CXCL13: variants seen among roughly 807,000 people sequenced by gnomAD.
CXCL13 encodes the protein C-X-C motif chemokine ligand 13, also known as C-X-C motif chemokine 13.
A neutral mutation model predicts 12.2 loss-of-function variants in CXCL13; 7 were observed. That is an observed-to-expected ratio of 0.57 (90% CI 0.33 to 1.07). The LOEUF (loss-of-function observed/expected upper bound fraction) is 1.07, where lower values mean the gene tolerates loss of function less well. Ranked by LOEUF, CXCL13 falls within the 50% of genes least tolerant of loss-of-function variation. The pLI is 0.04. For synonymous variants in CXCL13, 47 were observed against 42.4 expected (o/e 1.11, Z -0.42); for missense variants, 113 against 127.4 (o/e 0.89, Z 0.55).
At chr4:77,557,248 T>C (rs1413954104) in intron 1 of CXCL13, among the ~76,000 whole-genome samples, 1 of 152,234 alleles carries the variant, frequency 6.6e-6, no homozygotes, top group Non-Finnish European at 1.5e-5. Context: ...GGTCTCTAAG[T>C]ACCAATTTTA....
chr4:77,542,254 G>C (rs1326761188), intron 1 of CXCL13, among the ~76,000 whole-genome samples: 1 of 152,062 alleles, frequency 6.6e-6, no homozygotes, highest in Admixed American at 6.6e-5. Context: ...TGTTGAATAG[G>C]TGTGATGAGA....
intron 1 of CXCL13, among the ~76,000 whole-genome samples, chr4:77,571,931 G>T (rs760900904): frequency 6.6e-6 from 1 of 151,574 alleles, no homozygotes; most frequent in Non-Finnish European, 1.5e-5. Flanking sequence ...CAGATGTGCT[G>T]CCTTAAGAGC....
At chr4:77,527,597 T>TC (rs995593896) in intron 1 of CXCL13, among the ~76,000 whole-genome samples, 5 of 151,238 alleles carry the variant, frequency 3.3e-5, no homozygotes, top group Admixed American at 6.6e-5. Flanking sequence ...ATGCCACTGC[T>TC]CTCTAGCCTG....
chr4:77,568,722 C>A (rs1332828929), intron 1 of CXCL13, among the ~76,000 whole-genome samples: 1 of 151,986 alleles, frequency 6.6e-6, no homozygotes, highest in Non-Finnish European at 1.5e-5. Context: ...GTATTTTGGG[C>A]TTTTCGGCAT....
intron 1 of CXCL13, among the ~76,000 whole-genome samples, chr4:77,567,919 A>G (rs1013668166): frequency 4.6e-5 from 7 of 152,172 alleles, no homozygotes; most frequent in Non-Finnish European, 7.4e-5. Context: ...CCTCAGGGCT[A>G]CTCTGCCTAT....
In CXCL13 at chr4:77,536,815, G is replaced by T. The variant is rs1450696111; in HGVS notation, c.-43+25027G>T. On this transcript the variant is annotated intron_variant, in intron 1 of 4. Transcript: ENST00000286758. ...TGCTTAGAAATTCTTTAAAAAGAAT[G>T]ACTTTATCAGGATAGAAAAAGGTTC... Among the ~76,000 whole-genome samples the T allele has an allele frequency of 2.6e-5, 4 of 152,156 alleles. No individual in the cohort carries two copies. In the South Asian group the frequency reaches 8.3e-4, roughly 32 times the overall value.
intron 1 of CXCL13, among the ~76,000 whole-genome samples, chr4:77,597,456 G>A (rs534316139): frequency 4.5e-4 from 68 of 152,224 alleles, no homozygotes; most frequent in African/African-American, 1.3e-3. Flanking sequence ...TGTTGAACCT[G>A]GATGTAACAT....
At chr4:77,546,724 G>A (rs1725376274) in intron 1 of CXCL13, among the ~76,000 whole-genome samples, 1 of 152,102 alleles carries the variant, frequency 6.6e-6, no homozygotes, top group South Asian at 2.1e-4. Context: ...GAGAGATTTT[G>A]TGTCTCTTAT....
upstream of CXCL13, among the ~76,000 whole-genome samples, chr4:77,604,734 T>C (rs1156566216): frequency 2.0e-5 from 3 of 152,126 alleles, no homozygotes; most frequent in Admixed American, 2.0e-4. Context: ...CCTCCACTTC[T>C]ACCCCCATGA....
At chr4:77,521,873 C>G (rs569433789) in intron 1 of CXCL13, among the ~76,000 whole-genome samples, 53 of 152,238 alleles carry the variant, frequency 3.5e-4, no homozygotes, top group African/African-American at 1.2e-3. Context: ...CCTCTACACA[C>G]TGCTTTAAAT....
chr4:77,529,310 G>A (rs1317484495), intron 1 of CXCL13, among the ~76,000 whole-genome samples: 3 of 152,152 alleles, frequency 2.0e-5, no homozygotes, highest in Admixed American at 1.3e-4. Flanking sequence ...TTCTAATTCT[G>A]TGAAGAAAGT....
rs1347961389 is a variant in CXCL13 at position 77,605,905 on chromosome 4, G to A, written c.40G>A (p.Val14Ile). 1 of 1,605,646 alleles carries A rather than the reference G, an allele frequency of 6.2e-7. No homozygotes were observed. ...GACATCTCTGCTTCTCATGCTGCTG[G>A]TCAGCAGCCTCTCTCCAGTCCAAGG... Reference protein sequence around the residue: ...ISTSLLLMLLVSSLSPVQGVL... With the variant: ...ISTSLLLMLLISSLSPVQGVL... Residue 14 changes from valine (V) to isoleucine (I), a missense_variant, in exon 1 of 4, where the codon GTC becomes ATC. Coordinates refer to ENST00000682537, the MANE Select transcript of CXCL13 (RefSeq NM_001371558.1).
chr4:77,522,678 G>A (rs1375225419), intron 1 of CXCL13, among the ~76,000 whole-genome samples: 3 of 151,590 alleles, frequency 2.0e-5, no homozygotes, highest in Non-Finnish European at 4.4e-5. Flanking sequence ...ATCAGTTTGT[G>A]TGTTTTAATT....
chr4:77,570,377 G>A (rs1578058758), intron 1 of CXCL13, among the ~76,000 whole-genome samples: 2 of 152,202 alleles, frequency 1.3e-5, no homozygotes, highest in South Asian at 4.1e-4. Context: ...CTCTGACAAA[G>A]GTCTAATATC....
chr4:77,584,164 CTAGA>C (rs1282624668), intron 1 of CXCL13, among the ~76,000 whole-genome samples: 1 of 152,124 alleles, frequency 6.6e-6, no homozygotes, highest in Non-Finnish European at 1.5e-5. Flanking sequence ...ATTCCATGGC[CTAGA>C]TAGTCTTTAA....
At chr4:77,579,182 CACT>C (rs1400814733) in intron 1 of CXCL13, among the ~76,000 whole-genome samples, 1 of 152,220 alleles carries the variant, frequency 6.6e-6, no homozygotes, top group Non-Finnish European at 1.5e-5. Flanking sequence ...GGAAATGCCC[CACT>C]GTCTCACTGA....
At chr4:77,569,793 CAA>C (rs1257221612) in intron 1 of CXCL13, among the ~76,000 whole-genome samples, 2 of 151,980 alleles carry the variant, frequency 1.3e-5, no homozygotes, top group African/African-American at 4.8e-5. Context: ...CATATGGAAC[CAA>C]AAAAAGAGTC....
At chr4:77,531,126 T>C (rs1330572407) in intron 1 of CXCL13, among the ~76,000 whole-genome samples, 4 of 148,488 alleles carry the variant, frequency 2.7e-5, no homozygotes, top group Non-Finnish European at 4.5e-5. Context: ...ATTATTATTA[T>C]TATTATCATT....
chr4:77,531,328 T>C (rs1190816458), intron 1 of CXCL13, among the ~76,000 whole-genome samples: 9 of 134,472 alleles, frequency 6.7e-5, no homozygotes, highest in Admixed American at 5.8e-4. Context: ...CCTGTGTCCA[T>C]GTGTTCTCAT....
Sources: gnomAD v4.1 joint callset for allele counts (sites outside exome capture counted in the v4.1 genomes callset) on GRCh38, gnomAD v4.1.1 for gene constraint, MANE v1.5 for transcripts, NCBI Gene and HGNC (gene_info 2026-07-23, HGNC 2026-07-21) for gene names.